The following SCG5 variants were observed in gnomAD, a reference collection of about 807,000 sequenced individuals.
The protein encoded by SCG5 is neuroendocrine protein 7B2.
In SCG5, 18 loss-of-function variants were observed where a neutral mutation model predicts 25.7. That is an observed-to-expected ratio of 0.70 (90% CI 0.48 to 1.04). The LOEUF is 1.04. Ranked by LOEUF, SCG5 falls within the 50% of genes least tolerant of loss-of-function variation. SCG5 has a pLI of 0.00. For synonymous variants in SCG5, 101 were observed against 91.7 expected (o/e 1.10, Z -0.58); for missense variants, 206 against 259.8 (o/e 0.79, Z 1.42).
chr15:32,680,738 T>A (rs12442397), intron 3 of SCG5, among the ~76,000 whole-genome samples: 85,700 of 151,828 alleles, frequency 0.56, 25,653 homozygotes, highest in Non-Finnish European at 0.68. Context: ...AGAGAAGAGG[T>A]TCAGGAAGAA....
At chr15:32,686,800 G>A (rs1443058580) in intron 4 of SCG5, among the ~76,000 whole-genome samples, 1 of 152,180 alleles carries the variant, frequency 6.6e-6, no homozygotes, top group East Asian at 1.9e-4. Context: ...TCTTCAGAGA[G>A]CTTATAGTCC....
rs562488850 is a variant in SCG5 at position 32,688,417 on chromosome 15, G to T, written c.490-3293G>T. Reference sequence around the variant, plus strand: ...TCACAGCCAGAGCCTGAGCCACGGGGATATGAGGGACCAGACCCCTCCCTG... The same window carrying T: ...TCACAGCCAGAGCCTGAGCCACGGGTATATGAGGGACCAGACCCCTCCCTG... On this transcript the variant is annotated intron_variant, in intron 4 of 5. Coordinates refer to ENST00000300175, the MANE Select transcript of SCG5 (RefSeq NM_001144757.3). 1.0e-3 allele frequency among the ~76,000 whole-genome samples: 156 copies of T among 152,290 alleles called. 1 individual carries two copies. The highest frequency in any genetic ancestry group is 3.7e-3 in the African/African-American group (154 of 41,552).
chr15:32,695,295 G>A (rs780711149), intron 5 of SCG5, among the ~76,000 whole-genome samples: 6 of 152,130 alleles, frequency 3.9e-5, no homozygotes, highest in African/African-American at 9.7e-5. Context: ...GATTACAGGC[G>A]TGAGCCACCG....
intron 5 of SCG5, among the ~76,000 whole-genome samples, chr15:32,692,516 C>T (rs998736594): frequency 6.6e-6 from 1 of 152,192 alleles, no homozygotes; most frequent in African/African-American, 2.4e-5. Flanking sequence ...TTCTGCTAAT[C>T]CACTGGTACC....
rs142973994 is a variant in SCG5 at position 32,696,625 on chromosome 15, C to T, written c.*16C>T. On this transcript the variant is annotated 3_prime_UTR_variant, in exon 6 of 6. Coordinates refer to ENST00000300175, the MANE Select transcript of SCG5 (RefSeq NM_001144757.3). ...TCCAGAGTAAAGAGAAGATGCTAGA[C>T]GAAAACCCACATTACCTGTTAGGCC... is the stretch of plus-strand genomic sequence containing the variant. 118 of 1,550,690 alleles carry T rather than the reference C, an allele frequency of 7.6e-5. 1 individual carries two copies. The Admixed American group carries it at 1.3e-3, about 17-fold the overall frequency.
intron 5 of SCG5, among the ~76,000 whole-genome samples, chr15:32,692,678 CACTG>C (rs1252647905): frequency 6.6e-6 from 1 of 152,164 alleles, no homozygotes; most frequent in African/African-American, 2.4e-5. Flanking sequence ...TACTCAAAGC[CACTG>C]ACTATTTATT....
intron 2 of SCG5, among the ~76,000 whole-genome samples, chr15:32,658,156 G>A (rs1203843482): frequency 6.6e-6 from 1 of 152,116 alleles, no homozygotes; most frequent in Non-Finnish European, 1.5e-5. Flanking sequence ...TGATATCCAG[G>A]GAATGGCAAA....
intron 4 of SCG5, among the ~76,000 whole-genome samples, chr15:32,685,870 C>G (rs1465469693): frequency 6.6e-6 from 1 of 151,998 alleles, no homozygotes; most frequent in Non-Finnish European, 1.5e-5. Context: ...CTTCTAAAGT[C>G]CTCATCTCTT....
At chr15:32,659,880 A>T (rs2054188890) in intron 2 of SCG5, among the ~76,000 whole-genome samples, 2 of 139,818 alleles carry the variant, frequency 1.4e-5, no homozygotes, top group South Asian at 2.2e-4. Flanking sequence ...GCTTTCCTTT[A>T]AAAAAAAAAA....
intron 2 of SCG5, among the ~76,000 whole-genome samples, chr15:32,660,877 A>G (rs1343312343): frequency 6.6e-6 from 1 of 152,262 alleles, no homozygotes; most frequent in East Asian, 1.9e-4. Context: ...TGGGAAGAGC[A>G]CAGCAAAGCT....
chr15:32,672,373 G>A (rs1374506369), intron 2 of SCG5, among the ~76,000 whole-genome samples: 1 of 152,248 alleles, frequency 6.6e-6, no homozygotes, highest in Admixed American at 6.5e-5. Flanking sequence ...TGCTGGCTGC[G>A]GGCTTGTCAG....
intron 2 of SCG5, among the ~76,000 whole-genome samples, chr15:32,675,561 G>C (rs1157899685): frequency 6.6e-6 from 1 of 152,184 alleles, no homozygotes; most frequent in African/African-American, 2.4e-5. Context: ...TTAGTCATGG[G>C]TAACCAACTA....
chr15:32,662,855 G>A (rs2054243743), intron 2 of SCG5, among the ~76,000 whole-genome samples: 2 of 151,628 alleles, frequency 1.3e-5, no homozygotes, highest in Non-Finnish European at 2.9e-5. Context: ...GTGCAGGAGA[G>A]CGGAGAGCTG....
At chr15:32,661,354 T>G (rs1457146377) in intron 2 of SCG5, among the ~76,000 whole-genome samples, 1 of 152,196 alleles carries the variant, frequency 6.6e-6, no homozygotes, top group Admixed American at 6.5e-5. Context: ...GTGCGGTGGC[T>G]CATGCCTGTA....
chr15:32,684,562 G>A lies in SCG5; in HGVS notation c.382G>A (p.Asp128Asn). The change falls in exon 4 of 6, where the codon GAT becomes AAT. Residue 128 changes from aspartate (D) to asparagine (N), a missense_variant. By Grantham distance (23) the Asp-to-Asn change is conservative. Transcript: ENST00000300175. ...AAACCTTTGGCTGTTTGCAGCAGATGATGGATGTCTAGAAAACACCCCTGA... is the reference window on the plus strand; with the variant it reads ...AAACCTTTGGCTGTTTGCAGCAGATAATGGATGTCTAGAAAACACCCCTGA... ...NPCPVGKTAD[D>N]GCLENTPDTA... The A allele has an allele frequency of 1.2e-6, 2 of 1,608,480 alleles. No homozygotes were observed. The highest frequency in any genetic ancestry group is 1.7e-6 in the Non-Finnish European group (2 of 1,175,422).
rs757648143 is a variant in SCG5, at chr15:32,679,748, C to A, written c.227-18C>A. ...AATTGAATTGCACTGCAATGAACTA[C>A]TTCTGATTCCCTCGCAGGTGGAGCT... On this transcript the variant is annotated intron_variant, in intron 2 of 5. Coordinates refer to ENST00000300175, the MANE Select transcript of SCG5 (RefSeq NM_001144757.3). 3.1e-6 allele frequency: 5 copies of A among 1,613,608 alleles called. No homozygotes were observed. In the African/African-American group the frequency reaches 6.7e-5, roughly 22 times the overall value.
intron 4 of SCG5, among the ~76,000 whole-genome samples, chr15:32,688,411 C>T (rs2054763233): frequency 6.6e-6 from 1 of 152,172 alleles, no homozygotes; most frequent in Admixed American, 6.5e-5. Flanking sequence ...GAGCCTGAGC[C>T]ACGGGGATAT....
chr15:32,669,662 T>G (rs1192713102), intron 2 of SCG5, among the ~76,000 whole-genome samples: 1 of 152,142 alleles, frequency 6.6e-6, no homozygotes, highest in Non-Finnish European at 1.5e-5. Flanking sequence ...TATTGCAAAT[T>G]ACCTATTTGA....
At chr15:32,648,587 T>C (rs2053983065) in intron 2 of SCG5, among the ~76,000 whole-genome samples, 1 of 152,024 alleles carries the variant, frequency 6.6e-6, no homozygotes, top group African/African-American at 2.4e-5. Context: ...TTCCACGCAT[T>C]CTGGCCCTGA....
Sources: gnomAD v4.1 joint callset for allele counts (sites outside exome capture counted in the v4.1 genomes callset) on GRCh38, gnomAD v4.1.1 for gene constraint, MANE v1.5 for transcripts, NCBI Gene and HGNC (gene_info 2026-07-23, HGNC 2026-07-21) for gene names.